EPHA6: variants seen among roughly 807,000 people sequenced by gnomAD.
The protein encoded by EPHA6 is EPH receptor A6.
In EPHA6, 50 loss-of-function variants were observed where a neutral mutation model predicts 112.0. The observed-to-expected ratio is 0.45, with a 90% CI of 0.36 to 0.56. EPHA6 has a LOEUF of 0.56. Among genes scored for constraint, EPHA6 ranks in the 20% least tolerant of loss-of-function variants. The probability of loss-of-function intolerance (pLI) is 0.00; values close to 1 mark genes in which losing one functional copy is unlikely to be tolerated. For missense variants in EPHA6, 1,280 were observed against 1,417.4 expected (o/e 0.90, Z 1.56); for synonymous variants, 529 against 490.7 (o/e 1.08, Z -1.03).
intron 14 of EPHA6, among the ~76,000 whole-genome samples, chr3:97,644,093 A>C (rs1032638824): frequency 6.6e-6 from 1 of 151,980 alleles, no homozygotes; most frequent in Non-Finnish European, 1.5e-5. Context: ...ACTATCTCTC[A>C]GACCACAGTG....
intron 2 of EPHA6, among the ~76,000 whole-genome samples, chr3:96,968,806 T>C (rs923126966): frequency 2.0e-5 from 3 of 151,900 alleles, no homozygotes; most frequent in Non-Finnish European, 4.4e-5. Flanking sequence ...TGTTATTTAG[T>C]TAGCCTCAAA....
At chr3:97,675,206 GC>G (rs1282664888) in intron 14 of EPHA6, among the ~76,000 whole-genome samples, 1 of 152,156 alleles carries the variant, frequency 6.6e-6, no homozygotes. Flanking sequence ...AGTGTCAGGT[GC>G]GGTAGCTCAT....
Position 96,814,800 on chromosome 3 carries a change from G to A in EPHA6, c.177G>A (p.Glu59=), listed in dbSNP as rs758362109. ...CGGGCCGGGTGGAGGAGGAAGAGGA[G>A]GAGGAGGAAGAAGACGTGGACAAGG... ...PPAGRVEEEE[E]EEEEDVDKDP... is the part of the protein sequence containing the mutation. Residue 59 remains glutamate (E), a synonymous_variant, in exon 1 of 18, where the codon GAG becomes GAA. Transcript: ENST00000389672. 4 of 1,601,896 alleles carry A rather than the reference G, an allele frequency of 2.5e-6. No individual in the cohort carries two copies. The highest frequency in any genetic ancestry group is 1.3e-5 in the African/African-American group (1 of 74,680).
At chr3:97,389,016 A>C (rs563311109) in intron 5 of EPHA6, among the ~76,000 whole-genome samples, 2 of 152,276 alleles carry the variant, frequency 1.3e-5, no homozygotes, top group Admixed American at 1.3e-4. Context: ...TTTGAGCCTG[A>C]TAGGTTACTT....
At chr3:97,426,686 T>C (rs962755055) in intron 6 of EPHA6, among the ~76,000 whole-genome samples, 2 of 152,066 alleles carry the variant, frequency 1.3e-5, no homozygotes, top group African/African-American at 4.8e-5. Context: ...AACAAAAACA[T>C]TGTCAAGTGG....
intron 1 of EPHA6, among the ~76,000 whole-genome samples, chr3:96,861,911 G>A (rs1235324396): frequency 6.6e-6 from 1 of 151,808 alleles, no homozygotes; most frequent in East Asian, 1.9e-4. Flanking sequence ...ACATAATTCA[G>A]TGTTGATTTA....
chr3:97,421,431 A>G (rs898757973), intron 6 of EPHA6, among the ~76,000 whole-genome samples: 4 of 152,170 alleles, frequency 2.6e-5, no homozygotes, highest in Non-Finnish European at 5.9e-5. Context: ...ATTTGAGAAT[A>G]AATCTGAAAT....
chr3:97,249,843 T>A (rs924909955), intron 5 of EPHA6, among the ~76,000 whole-genome samples: 1 of 152,222 alleles, frequency 6.6e-6, no homozygotes, highest in African/African-American at 2.4e-5. Flanking sequence ...ATTTATTGAC[T>A]GTTTAGCTTC....
At chr3:97,289,289 T>G (rs1559854683) in intron 5 of EPHA6, among the ~76,000 whole-genome samples, 1 of 152,216 alleles carries the variant, frequency 6.6e-6, no homozygotes, top group Non-Finnish European at 1.5e-5. Context: ...AATTTCATTC[T>G]TCTGCATATG....
chr3:96,875,425 T>G (rs1272544964), intron 2 of EPHA6, among the ~76,000 whole-genome samples: 1 of 152,110 alleles, frequency 6.6e-6, no homozygotes, highest in East Asian at 1.9e-4. Context: ...AGAATATTCC[T>G]TCCTGTACAG....
intron 6 of EPHA6, among the ~76,000 whole-genome samples, chr3:97,405,744 T>C (rs976675416): frequency 5.3e-5 from 8 of 152,116 alleles, no homozygotes; most frequent in African/African-American, 1.7e-4. Context: ...AGAAATAGCA[T>C]ATAAATGAAA....
At chr3:97,247,600 G>A (rs2079021020) in intron 5 of EPHA6, among the ~76,000 whole-genome samples, 1 of 151,908 alleles carries the variant, frequency 6.6e-6, no homozygotes, top group African/African-American at 2.4e-5. Flanking sequence ...GAAGGAACCA[G>A]GCAAAAGTTG....
intron 14 of EPHA6, among the ~76,000 whole-genome samples, chr3:97,697,588 G>A (rs915899197): frequency 6.6e-6 from 1 of 152,196 alleles, no homozygotes; most frequent in African/African-American, 2.4e-5. Flanking sequence ...ATTTATGCGT[G>A]CAATTTCAGT....
At chr3:97,084,416 T>A (rs1293631767) in intron 3 of EPHA6, among the ~76,000 whole-genome samples, 3 of 151,714 alleles carry the variant, frequency 2.0e-5, no homozygotes, top group Non-Finnish European at 2.9e-5. Context: ...TCTCTATAAC[T>A]TTGCTTTAAT....
chr3:97,262,784 C>T (rs1196833891), intron 5 of EPHA6, among the ~76,000 whole-genome samples: 10 of 152,090 alleles, frequency 6.6e-5, no homozygotes, highest in Non-Finnish European at 8.8e-5. Flanking sequence ...CTCCCATCAA[C>T]TTTAATGTGT....
chr3:96,970,816 T>C (rs1478672029), intron 2 of EPHA6, among the ~76,000 whole-genome samples: 2 of 152,118 alleles, frequency 1.3e-5, no homozygotes, highest in African/African-American at 2.4e-5. Flanking sequence ...GTTTTCTTTG[T>C]AAACTCAGAT....
In EPHA6 at chr3:97,479,300, G is replaced by C; in HGVS notation, c.2010G>C (p.Gln670His). ...TLFFLITGRCQWYIKAKMKSE... is the reference protein window; with the variant it reads ...TLFFLITGRCHWYIKAKMKSE... Reference sequence around the variant, plus strand: ...TTTTTAATCTTTTTAAAAGATGTCAGTGGTACATAAAAGCCAAGATGAAGT... The same window carrying C: ...TTTTTAATCTTTTTAAAAGATGTCACTGGTACATAAAAGCCAAGATGAAGT... The change falls in exon 9 of 18, where the codon CAG becomes CAC. Residue 670 changes from glutamine to histidine, a missense_variant. Transcript: ENST00000389672. 6.3e-7 allele frequency: 1 copy of C among 1,594,626 alleles called. No homozygotes were observed. Among genetic ancestry groups the C allele is most frequent in the Non-Finnish European group, 8.5e-7 (1 of 1,172,540 alleles).
chr3:97,676,636 A>G lies in EPHA6; in HGVS notation c.2784+38554A>G, dbSNP rs538923351. Among the ~76,000 whole-genome samples, 8 of 152,320 alleles carry G rather than the reference A, an allele frequency of 5.3e-5. No homozygotes were observed. In the East Asian group the frequency reaches 1.5e-3, roughly 29 times the overall value. ...GGGAAGGAAAAATAGATGACACAGA[A>G]AAAGAAAGACAATCTTACTGAAATT... is the stretch of plus-strand genomic sequence containing the variant. On this transcript the variant is annotated intron_variant, in intron 14 of 17. Transcript: ENST00000389672.
chr3:97,084,044 G>A (rs772173375), intron 3 of EPHA6, among the ~76,000 whole-genome samples: 1 of 145,514 alleles, frequency 6.9e-6, no homozygotes, highest in Non-Finnish European at 1.5e-5. Context: ...GGTTTGGATA[G>A]GGGTGGTACA....
Sources: gnomAD v4.1 joint callset for allele counts (sites outside exome capture counted in the v4.1 genomes callset) on GRCh38, gnomAD v4.1.1 for gene constraint, MANE v1.5 for transcripts, NCBI Gene and HGNC (gene_info 2026-07-23, HGNC 2026-07-21) for gene names.